The following CUX1 variants were observed in gnomAD, a reference collection of about 807,000 sequenced individuals.
CUX1 encodes protein CASP.
Under a neutral mutation model 158.8 loss-of-function variants are expected in CUX1, and 31 were observed. The observed-to-expected ratio is 0.20, with a 90% CI of 0.15 to 0.26. The LOEUF is 0.26. Among genes scored for constraint, CUX1 ranks in the 10% least tolerant of loss-of-function variants. The pLI, the probability that CUX1 is intolerant of heterozygous loss-of-function variation, is 1.00. For missense variants in CUX1, 1,589 were observed against 2,014.6 expected (o/e 0.79, Z 4.04); for synonymous variants, 879 against 862.1 (o/e 1.02, Z -0.34).
intron 2 of CUX1, among the ~76,000 whole-genome samples, chr7:101,920,865 G>C (rs1030876909): frequency 6.6e-6 from 1 of 151,718 alleles, no homozygotes; most frequent in Admixed American, 6.6e-5. Flanking sequence ...CTATATTTTT[G>C]TTTTTTTTGG....
In CUX1 at chr7:101,884,322, C is replaced by T. The variant is rs570993210; in HGVS notation, c.31-31793C>T. On this transcript the variant is annotated intron_variant, in intron 1 of 23. Coordinates refer to ENST00000292535, the MANE Select transcript of CUX1 (RefSeq NM_181552.4). ...GGGATATATACTTATAGTTAGCCTA[C>T]AGTCTTATTGATAATGTTCTCAGAA... Among the ~76,000 whole-genome samples the T allele has an allele frequency of 4.4e-4, 67 of 152,332 alleles. No individual in the cohort carries two copies. The South Asian group carries it at 0.013, about 30-fold the overall frequency.
intron 1 of CUX1, among the ~76,000 whole-genome samples, chr7:101,855,951 G>A (rs189745659): frequency 1.3e-5 from 2 of 151,556 alleles, no homozygotes; most frequent in East Asian, 3.9e-4. Context: ...AGGCTGAGGC[G>A]GGAGGATCAC....
chr7:101,912,889 T>C (rs1260926969), intron 1 of CUX1, among the ~76,000 whole-genome samples: 1 of 152,190 alleles, frequency 6.6e-6, no homozygotes, highest in African/African-American at 2.4e-5. Flanking sequence ...CGACTCTCCA[T>C]ACGCCTTCTC....
chr7:102,182,087 C>T (rs12537077), intron 11 of CUX1, among the ~76,000 whole-genome samples: 57,720 of 151,990 alleles, frequency 0.38, 11,313 homozygotes, highest in Middle Eastern at 0.49. Context: ...CTCGGACACA[C>T]GATGGGGCCT....
chr7:101,998,848 A>T (rs1816313629), intron 2 of CUX1, among the ~76,000 whole-genome samples: 1 of 152,138 alleles, frequency 6.6e-6, no homozygotes, highest in Non-Finnish European at 1.5e-5. Context: ...TCTTAAGTTG[A>T]GGGAGCTGCT....
Position 102,193,449 on chromosome 7 carries a change from C to T in CUX1, c.1077-393C>T, listed in dbSNP as rs189681286. On this transcript the variant is annotated intron_variant, in intron 12 of 23. Coordinates refer to ENST00000292535, the MANE Select transcript of CUX1 (RefSeq NM_181552.4). ...GAAGTTGTTAAAGTTGACAGTTCTT[C>T]GGTTCCTGGAGAGCAGGAAATTGTA... Among the ~76,000 whole-genome samples the T allele has an allele frequency of 7.2e-5, 11 of 152,270 alleles. No homozygotes were observed. The East Asian group carries it at 1.9e-3, about 27-fold the overall frequency.
At chr7:101,870,981 T>G (rs1413790210) in intron 1 of CUX1, among the ~76,000 whole-genome samples, 4 of 152,244 alleles carry the variant, frequency 2.6e-5, no homozygotes, top group African/African-American at 9.6e-5. Context: ...TGGATGGACC[T>G]AGCCACCAGG....
chr7:101,928,055 G>A (rs1805821890), intron 2 of CUX1, among the ~76,000 whole-genome samples: 1 of 152,136 alleles, frequency 6.6e-6, no homozygotes, highest in Admixed American at 6.6e-5. Flanking sequence ...TTTTTACAGG[G>A]CTATTTTAAG....
chr7:102,063,383 CTTTTT>C (rs11368644), intron 3 of CUX1, among the ~76,000 whole-genome samples: 2 of 89,274 alleles, frequency 2.2e-5, no homozygotes, highest in African/African-American at 8.4e-5. Flanking sequence ...ATTTCCTTTT[CTTTTT>C]TTTTTTTTTT....
At chr7:102,098,741 C>T (rs930446566) in intron 5 of CUX1, among the ~76,000 whole-genome samples, 3 of 150,580 alleles carry the variant, frequency 2.0e-5, no homozygotes, top group Admixed American at 1.3e-4. Flanking sequence ...CCCGGGTTCA[C>T]GCCATTCTCC....
chr7:102,044,918 T>C (rs1254643665), intron 3 of CUX1, among the ~76,000 whole-genome samples: 1 of 152,202 alleles, frequency 6.6e-6, no homozygotes, highest in Admixed American at 6.5e-5. Context: ...TAACACAGCC[T>C]GCTGCCCTGG....
intron 2 of CUX1, among the ~76,000 whole-genome samples, chr7:101,978,057 G>C (rs1381724659): frequency 1.3e-5 from 2 of 151,508 alleles, no homozygotes. Context: ...CTCGCGCCCT[G>C]CACCTGAGGT....
chr7:102,040,554 G>A (rs1821947432), intron 3 of CUX1, among the ~76,000 whole-genome samples: 2 of 152,212 alleles, frequency 1.3e-5, no homozygotes, highest in South Asian at 2.1e-4. Context: ...GGCACCGGCA[G>A]GATGATTTGA....
intron 2 of CUX1, among the ~76,000 whole-genome samples, chr7:101,950,305 C>A (rs891338376): frequency 1.3e-5 from 2 of 151,796 alleles, no homozygotes; most frequent in East Asian, 1.9e-4. Context: ...CCACTGCGCT[C>A]GGCCCAGAAG....
chr7:101,985,848 T>G (rs966551129), intron 2 of CUX1, among the ~76,000 whole-genome samples: 1 of 152,240 alleles, frequency 6.6e-6, no homozygotes, highest in Non-Finnish European at 1.5e-5. Context: ...AAAAGCTTCC[T>G]TGTTTTTCAG....
chr7:101,906,809 A>G (rs1415237387), intron 1 of CUX1, among the ~76,000 whole-genome samples: 1 of 151,428 alleles, frequency 6.6e-6, no homozygotes, highest in Non-Finnish European at 1.5e-5. Context: ...AGTGGGTGGG[A>G]GCTCACTGCT....
rs185586241 is a variant in CUX1, at chr7:101,846,595, T to A, written c.30+28926T>A. 9.3e-4 allele frequency among the ~76,000 whole-genome samples: 141 copies of A among 152,300 alleles called. 2 individuals carry two copies. Among genetic ancestry groups the A allele is most frequent in the African/African-American group, 3.2e-3 (133 of 41,564 alleles). On this transcript the variant is annotated intron_variant, in intron 1 of 23. Transcript: ENST00000292535. ...CTCCCACCTCAGCTTCCCAAAGTGC[T>A]AGGATTGCCAGCGGGAGCCACCCTA...
intron 1 of CUX1, among the ~76,000 whole-genome samples, chr7:101,822,906 GAA>G (rs796103013): frequency 3.4e-5 from 3 of 87,562 alleles, no homozygotes; most frequent in Non-Finnish European, 4.9e-5. Context: ...CTCTGTCTCA[GAA>G]AAAAAAAAAA....
chr7:102,117,790 G>C (rs1831590037), intron 8 of CUX1, among the ~76,000 whole-genome samples: 1 of 152,242 alleles, frequency 6.6e-6, no homozygotes, highest in African/African-American at 2.4e-5. Context: ...ATGCAAGCCT[G>C]GCGAAGCCTG....
Sources: gnomAD v4.1 joint callset for allele counts (sites outside exome capture counted in the v4.1 genomes callset) on GRCh38, gnomAD v4.1.1 for gene constraint, MANE v1.5 for transcripts, NCBI Gene and HGNC (gene_info 2026-07-23, HGNC 2026-07-21) for gene names.